POU3F3: variants seen among roughly 807,000 people sequenced by gnomAD.
POU3F3 encodes POU domain, class 3, transcription factor 3.
Under a neutral mutation model 8.6 loss-of-function variants are expected in POU3F3, and 1 was observed. That is an observed-to-expected ratio of 0.12 (90% confidence interval 0.04 to 0.55). The LOEUF (loss-of-function observed/expected upper bound fraction) is 0.55. Among genes scored for constraint, POU3F3 ranks in the 20% least tolerant of loss-of-function variants. The probability of loss-of-function intolerance (pLI) is 0.91; values close to 1 mark genes in which losing one functional copy is unlikely to be tolerated. For missense variants in POU3F3, 577 were observed against 690.7 expected (o/e 0.84, Z 1.84); for synonymous variants, 418 against 327.4 (o/e 1.28, Z -2.99).
the POU3F3 span, among the ~76,000 whole-genome samples, chr2:104,900,904 T>A: frequency 6.6e-6 from 1 of 152,206 alleles, no homozygotes; most frequent in Non-Finnish European, 1.5e-5. Context: ...ATAAATTACA[T>A]GATTATTAAA....
the POU3F3 span, among the ~76,000 whole-genome samples, chr2:104,887,533 C>T: frequency 1.3e-5 from 2 of 152,150 alleles, no homozygotes; most frequent in African/African-American, 2.4e-5. Flanking sequence ...CTTACCCTGG[C>T]GTCTACCAGT....
rs747198984 is a variant in POU3F3 at position 104,855,703 on chromosome 2, G to C, written c.193G>C (p.Gly65Arg). 2 of 1,229,994 alleles carry C rather than the reference G, an allele frequency of 1.6e-6. No homozygotes were observed. Among genetic ancestry groups the C allele is most frequent in the Non-Finnish European group, 2.1e-6 (2 of 963,002 alleles). The allele number at this position is 1,229,994 out of a possible 1,614,324, so 76.2% of individuals were successfully genotyped here. Reference sequence around the variant, plus strand: ...CGCCGTGACCTCGGGCGCCTACCGGGGGGACCCGTCCTCTGTCAAGATGGT... The same window carrying C: ...CGCCGTGACCTCGGGCGCCTACCGGCGGGACCCGTCCTCTGTCAAGATGGT... ...SAAVTSGAYR[G>R]DPSSVKMVQS... Residue 65 changes from glycine to arginine, a missense_variant, in exon 1 of 1, where the codon GGG becomes CGG. Gly to Arg is a moderately radical substitution (Grantham distance 125). Coordinates refer to ENST00000361360, the MANE Select transcript of POU3F3 (RefSeq NM_006236.3).
At chr2:104,914,584 A>G in the POU3F3 span, among the ~76,000 whole-genome samples, 1 of 152,210 alleles carries the variant, frequency 6.6e-6, no homozygotes, top group Non-Finnish European at 1.5e-5. Context: ...TAAGTAGCCA[A>G]GATCCCAGAT....
chr2:104,912,091 C>T, the POU3F3 span, among the ~76,000 whole-genome samples: 1 of 152,272 alleles, frequency 6.6e-6, no homozygotes, highest in South Asian at 2.1e-4. Flanking sequence ...TCTCTGCCTC[C>T]AGCACCCAGG....
chr2:104,923,014 A>G, the POU3F3 span, among the ~76,000 whole-genome samples: 17 of 152,258 alleles, frequency 1.1e-4, no homozygotes, highest in African/African-American at 3.9e-4. Context: ...AAAGGAAAAA[A>G]AACTGTCAAG....
the POU3F3 span, among the ~76,000 whole-genome samples, chr2:104,916,072 C>T: frequency 9.9e-5 from 15 of 152,038 alleles, no homozygotes; most frequent in Admixed American, 6.5e-5. Context: ...ATATAGCAAA[C>T]ATACATGATG....
At chr2:104,873,885 G>T in the POU3F3 span, among the ~76,000 whole-genome samples, 1 of 152,198 alleles carries the variant, frequency 6.6e-6, no homozygotes, top group Non-Finnish European at 1.5e-5. Context: ...GCCTTCGGGC[G>T]TTCCCTAAGG....
the POU3F3 span, among the ~76,000 whole-genome samples, chr2:104,882,337 C>T: frequency 4.5e-4 from 66 of 148,066 alleles, no homozygotes; most frequent in African/African-American, 1.4e-3. Context: ...CTGCAACCTT[C>T]GCCTCCCAGG....
downstream of POU3F3, among the ~76,000 whole-genome samples, chr2:104,859,868 C>A (rs933523375): frequency 1.3e-5 from 2 of 151,856 alleles, no homozygotes; most frequent in African/African-American, 2.4e-5. Flanking sequence ...TCCCTATGCC[C>A]AGCAAATTTA....
the POU3F3 span, among the ~76,000 whole-genome samples, chr2:104,917,792 A>G: frequency 1.3e-5 from 2 of 152,256 alleles, no homozygotes; most frequent in East Asian, 1.9e-4. Context: ...CTTCTCTCTT[A>G]TCCCTCCCTT....
At chr2:104,913,969 C>A in the POU3F3 span, among the ~76,000 whole-genome samples, 1 of 152,194 alleles carries the variant, frequency 6.6e-6, no homozygotes, top group East Asian at 1.9e-4. Flanking sequence ...ATCTGGGAAA[C>A]CCCTGGAAGA....
chr2:104,855,944 A>G lies in POU3F3; in HGVS notation c.434A>G (p.Gln145Arg). The G allele has an allele frequency of 1.9e-6, 2 of 1,057,026 alleles. No individual in the cohort carries two copies. Among genetic ancestry groups the G allele is most frequent in the South Asian group, 2.7e-5 (1 of 36,916 alleles). The allele number at this position is 1,057,026 out of a possible 1,614,324, so 65.5% of individuals were successfully genotyped here. A position where few individuals can be genotyped will look rare whatever the true frequency, so the allele number is the denominator to read the frequency against. Reference protein sequence around the residue: ...QPPQPPPPPPQGPDVKGGAGR... With the variant: ...QPPQPPPPPPRGPDVKGGAGR... ...CCGCAGCCGCCGCCGCCACCGCCGC[A>G]GGGCCCCGACGTGAAGGGCGGCGCC... is the stretch of plus-strand genomic sequence containing the variant. Residue 145 changes from glutamine to arginine, a missense_variant, in exon 1 of 1, where the codon CAG (glutamine) becomes CGG (arginine). By Grantham distance (43) the Gln-to-Arg change is conservative (BLOSUM62 1). Around this residue, in one of 7 missense-constraint regions of POU3F3, gnomAD observed 484 missense variants for 422.6 expected, o/e 1.15. Coordinates refer to ENST00000361360, the MANE Select transcript of POU3F3 (RefSeq NM_006236.3).
rs1194701194 is a variant in POU3F3, at chr2:104,854,928, G to A, written c.-583G>A. 1.3e-5 allele frequency among the ~76,000 whole-genome samples: 2 copies of A among 152,228 alleles called. No individual in the cohort carries two copies. The highest frequency in any genetic ancestry group is 2.9e-5 in the Non-Finnish European group (2 of 68,036). ...TCCGTAATTTGGCTAAGGAAGAAAG[G>A]AGCAGCTTCTTTCTTTGTTATCTCC... On this transcript the variant is annotated 5_prime_UTR_variant, in exon 1 of 1. Coordinates refer to ENST00000361360, the MANE Select transcript of POU3F3 (RefSeq NM_006236.3). This position sits in a 1 kb window ranked among gnomAD's most constrained non-coding sequence, Gnocchi z 4.5.
chr2:104,854,682 A>C lies in POU3F3; in HGVS notation c.-829A>C, dbSNP rs1216106866. 1.3e-5 allele frequency among the ~76,000 whole-genome samples: 2 copies of C among 152,198 alleles called. No individual in the cohort carries two copies. Among genetic ancestry groups the C allele is most frequent in the African/African-American group, 4.8e-5 (2 of 41,462 alleles). ...TTCAGAGAAATGCACCATCGCAAGA[A>C]GTTTTCCTAGGACAGAACAAAACTT... is the stretch of plus-strand genomic sequence containing the variant. On this transcript the variant is annotated 5_prime_UTR_variant, in exon 1 of 1. Transcript: ENST00000361360. This position sits in a 1 kb window ranked among gnomAD's most constrained non-coding sequence, Gnocchi z 4.5.
chr2:104,874,172 TG>T, the POU3F3 span, among the ~76,000 whole-genome samples: 17 of 152,106 alleles, frequency 1.1e-4, no homozygotes, highest in South Asian at 3.5e-3. Context: ...GCGGGTCTCC[TG>T]GGAGGAAGGG....
At chr2:104,890,151 C>G in the POU3F3 span, among the ~76,000 whole-genome samples, 1 of 152,126 alleles carries the variant, frequency 6.6e-6, no homozygotes, top group African/African-American at 2.4e-5. Flanking sequence ...GACCAGCGTG[C>G]GCACTGGGAG....
At chr2:104,882,928 G>T in the POU3F3 span, among the ~76,000 whole-genome samples, 24 of 152,300 alleles carry the variant, frequency 1.6e-4, no homozygotes, top group African/African-American at 5.5e-4. Context: ...TTGAATACCA[G>T]AACAACAGGT....
downstream of POU3F3, among the ~76,000 whole-genome samples, chr2:104,859,302 G>T (rs183936114): frequency 7.9e-5 from 12 of 152,178 alleles, no homozygotes; most frequent in East Asian, 2.3e-3. Flanking sequence ...GGGGGTTTTA[G>T]GTCACCTTTT....
the POU3F3 span, among the ~76,000 whole-genome samples, chr2:104,868,768 A>G: frequency 6.6e-6 from 1 of 152,232 alleles, no homozygotes. Flanking sequence ...GGTTACAAAC[A>G]GTGCAAATGA....
Sources: gnomAD v4.1 joint callset for allele counts (sites outside exome capture counted in the v4.1 genomes callset) on GRCh38, gnomAD v4.1.1 for gene constraint, gnomAD v4.1.1 regional missense constraint, Gnocchi (gnomAD v3.1) non-coding constraint, MANE v1.5 for transcripts, NCBI Gene and HGNC (gene_info 2026-07-23, HGNC 2026-07-21) for gene names.